DNTTIP1: variants seen among roughly 807,000 people sequenced by gnomAD.
The protein encoded by DNTTIP1 is deoxynucleotidyltransferase terminal-interacting protein 1.
In DNTTIP1, 22 loss-of-function variants were observed where a neutral mutation model predicts 52.9. The ratio of observed to expected loss-of-function variants is 0.42; its 90% CI spans 0.30 to 0.59. The LOEUF is 0.59. Ranked by LOEUF, DNTTIP1 falls within the 20% of genes least tolerant of loss-of-function variation. DNTTIP1 has a pLI of 0.22. For missense variants in DNTTIP1, 286 were observed against 435.5 expected, an observed-to-expected ratio of 0.66 and a Z score of 3.06; for synonymous variants, 136 against 155.1, an observed-to-expected ratio of 0.88 and a Z score of 0.92.
chr20:45,795,033 C>T (rs917179027), intron 3 of DNTTIP1, among the ~76,000 whole-genome samples: 15 of 151,988 alleles, frequency 9.9e-5, no homozygotes, highest in Non-Finnish European at 1.8e-4. Context: ...CTCCTGACCT[C>T]GTGATCCGCC....
At chr20:45,794,097 T>TTCAACAAGTACATGAAGGTGAGAGGGA in intron 3 of DNTTIP1, 80 bp downstream of exon 3, 1 of 832,640 alleles carries the variant, frequency 1.2e-6, no homozygotes, top group Non-Finnish European at 1.9e-6. Context: ...CCAGTCTGTC[T>TTCAACAAGTACATGAAGGTGAGAGGGA]CTTTCCTACA....
At chr20:45,805,014 C>T (rs1406307406) in intron 8 of DNTTIP1, 132 bp from the exon 9 acceptor site, 4 of 795,896 alleles carry the variant, frequency 5.0e-6, no homozygotes, top group Non-Finnish European at 8.8e-6. Flanking sequence ...TGTGAGTACT[C>T]AGTGTCTTGG....
intron 10 of DNTTIP1, among the ~76,000 whole-genome samples, chr20:45,808,635 C>T (rs1464751998): frequency 3.3e-5 from 5 of 152,150 alleles, no homozygotes; most frequent in South Asian, 2.1e-4. Context: ...AGTGAAACTC[C>T]GTCTCAATCG....
At chr20:45,798,668 T>C (rs1961303589) in intron 4 of DNTTIP1, among the ~76,000 whole-genome samples, 2 of 152,174 alleles carry the variant, frequency 1.3e-5, no homozygotes, top group African/African-American at 4.8e-5. Flanking sequence ...TGGGGTACTC[T>C]ACCCTTAACT....
At chr20:45,794,743 G>A (rs1277991373) in intron 3 of DNTTIP1, among the ~76,000 whole-genome samples, 3 of 147,086 alleles carry the variant, frequency 2.0e-5, no homozygotes, top group African/African-American at 7.5e-5. Context: ...GAGGCCAGGA[G>A]TTTGAGAACA....
intron 1 of DNTTIP1, 92 bp downstream of exon 1, chr20:45,792,201 T>G (rs1301505352): frequency 5.1e-6 from 4 of 786,062 alleles, no homozygotes; most frequent in Non-Finnish European, 6.9e-6. Flanking sequence ...ACGCGGAGGC[T>G]GGAGCTGCAG....
intron 10 of DNTTIP1, 114 bp from the exon 11 acceptor site, chr20:45,809,000 T>C: frequency 4.5e-6 from 4 of 896,586 alleles, no homozygotes; most frequent in South Asian, 4.4e-5. Flanking sequence ...TCCACCACGC[T>C]TGGAGACAAG....
intron 10 of DNTTIP1, 124 bp from the exon 11 acceptor site, chr20:45,808,990 T>A (rs1189006886): frequency 3.8e-6 from 3 of 799,028 alleles, no homozygotes; most frequent in Non-Finnish European, 6.2e-6. Context: ...GCCCTCTAAG[T>A]CCACCACGCT....
Position 45,792,678 on chromosome 20 carries a change from A to G in DNTTIP1, c.107A>G (p.Asn36Ser). ...CATTTGTTCCGTTGGTCCCCACAGA[A>G]CCCTTGGAACATAATGATAAAGCAC... ...AGAAGQLVLTNPWNIMIKHRQ... is the reference protein window; with the variant it reads ...AGAAGQLVLTSPWNIMIKHRQ... Residue 36 changes from asparagine (N) to serine (S), a missense_variant and splice_region_variant, in exon 2 of 13, where the codon AAC becomes AGC. Asn to Ser is a conservative substitution (Grantham distance 46). Around this residue, in one of 2 missense-constraint regions of DNTTIP1, gnomAD observed 208 missense variants for 266.5 expected, o/e 0.78. Coordinates refer to ENST00000372622, the MANE Select transcript of DNTTIP1 (RefSeq NM_052951.3). The G allele has an allele frequency of 1.2e-6, 2 of 1,608,728 alleles. No homozygotes were observed. Among genetic ancestry groups the G allele is most frequent in the Non-Finnish European group, 8.5e-7 (1 of 1,177,994 alleles).
At chr20:45,798,330 C>A (rs955392767) in intron 4 of DNTTIP1, among the ~76,000 whole-genome samples, 15 of 56,808 alleles carry the variant, frequency 2.6e-4, no homozygotes, top group Non-Finnish European at 4.3e-4. Context: ...CGGGGCCTGT[C>A]GTGGGGTTGG....
chr20:45,792,815 G>A, intron 2 of DNTTIP1, 68 bp downstream of exon 2: 1 of 1,444,434 alleles, frequency 6.9e-7, no homozygotes, highest in Non-Finnish European at 9.5e-7. Context: ...GGGATCCCCA[G>A]TGCACAAGGC....
intron 8 of DNTTIP1, among the ~76,000 whole-genome samples, chr20:45,804,157 C>CT (rs1981562836): frequency 6.6e-6 from 1 of 152,196 alleles, no homozygotes; most frequent in Non-Finnish European, 1.5e-5. Flanking sequence ...CTTGACCACT[C>CT]TGCTGGAAGT....
At chr20:45,796,400 A>G in intron 4 of DNTTIP1, 1 of 413,106 alleles carries the variant, frequency 2.4e-6, no homozygotes, top group Non-Finnish European at 4.9e-6. Context: ...AAAAAAAAAA[A>G]GAAATGGCTT....
At chr20:45,803,178 T>A (rs1981527729) in intron 7 of DNTTIP1, 155 bp from the exon 8 acceptor site, 7 of 685,824 alleles carry the variant, frequency 1.0e-5, no homozygotes, top group Non-Finnish European at 1.3e-5. Context: ...CAGTGCTTTT[T>A]TTCCCTTTGT....
chr20:45,795,800 A>G (rs1006125722), intron 4 of DNTTIP1, among the ~76,000 whole-genome samples: 2 of 152,216 alleles, frequency 1.3e-5, no homozygotes, highest in Admixed American at 6.5e-5. Context: ...TTCTGTCTCA[A>G]AAACAAACAA....
intron 8 of DNTTIP1, 148 bp from the exon 9 acceptor site, chr20:45,804,998 G>A: frequency 1.3e-6 from 1 of 748,304 alleles, no homozygotes. Context: ...ACAGGGCCTA[G>A]CATATTGTGA....
intron 4 of DNTTIP1, among the ~76,000 whole-genome samples, chr20:45,800,852 G>C (rs1981443298): frequency 6.7e-6 from 1 of 149,094 alleles, no homozygotes; most frequent in Non-Finnish European, 1.5e-5. Context: ...AAATTAGCTG[G>C]GTATGGTGGC....
intron 11 of DNTTIP1, 75 bp from the exon 12 acceptor site, chr20:45,810,810 G>T: frequency 2.9e-6 from 4 of 1,359,912 alleles, no homozygotes; most frequent in Admixed American, 1.7e-5. Flanking sequence ...ACATTAAACA[G>T]ATGTTTAATG....
intron 10 of DNTTIP1, 113 bp downstream of exon 10, chr20:45,805,479 T>C: frequency 8.4e-7 from 1 of 1,195,270 alleles, no homozygotes; most frequent in Non-Finnish European, 1.2e-6. Flanking sequence ...GACATCTGGG[T>C]TCTAGTTGTG....
Sources: allele counts gnomAD v4.1 joint callset (sites outside exome capture counted in the v4.1 genomes callset), GRCh38; gene constraint gnomAD v4.1.1; regional missense constraint gnomAD v4.1.1; transcripts MANE v1.5; gene names NCBI Gene and HGNC (gene_info 2026-07-23, HGNC 2026-07-21).